The following AGTPBP1 variants were observed in gnomAD, a reference collection of about 807,000 sequenced individuals.
The protein encoded by AGTPBP1 is cytosolic carboxypeptidase 1.
AGTPBP1 carries 70 observed loss-of-function variants against 143.9 expected under a neutral mutation model. That is an observed-to-expected ratio of 0.49 (90% CI 0.40 to 0.59). AGTPBP1 has a LOEUF of 0.59. AGTPBP1 is among the 20% of genes least tolerant of loss of function. The probability of loss-of-function intolerance (pLI) is 0.00; values close to 1 mark genes in which losing one functional copy is unlikely to be tolerated. For missense variants in AGTPBP1, 1,229 were observed against 1,464.5 expected (o/e 0.84, Z 2.62); for synonymous variants, 463 against 500.2 (o/e 0.93, Z 0.99).
intron 25 of AGTPBP1, among the ~76,000 whole-genome samples, chr9:85,549,276 C>T (rs1448750866): frequency 1.3e-5 from 2 of 152,150 alleles, no homozygotes; most frequent in Non-Finnish European, 2.9e-5. Flanking sequence ...GGGGAAACCA[C>T]CCAGAACTAC....
At chr9:85,657,963 T>C (rs1405425402) in intron 9 of AGTPBP1, among the ~76,000 whole-genome samples, 5 of 152,180 alleles carry the variant, frequency 3.3e-5, no homozygotes, top group African/African-American at 1.2e-4. Context: ...TTACAATTTA[T>C]GAATATACTG....
chr9:85,710,230 A>C (rs1837281137), intron 2 of AGTPBP1, among the ~76,000 whole-genome samples: 2 of 152,076 alleles, frequency 1.3e-5, no homozygotes, highest in African/African-American at 4.8e-5. Context: ...TGTTATACTC[A>C]TGTTTCTTTT....
intron 19 of AGTPBP1, among the ~76,000 whole-genome samples, chr9:85,591,613 C>A (rs1265099230): frequency 6.6e-6 from 1 of 151,870 alleles, no homozygotes; most frequent in African/African-American, 2.4e-5. Context: ...GATAAATTAC[C>A]CAAAAGTAAA....
chr9:85,799,023 G>A, the AGTPBP1 span, among the ~76,000 whole-genome samples: 13 of 151,980 alleles, frequency 8.6e-5, no homozygotes, highest in East Asian at 1.6e-3. Context: ...GATGTTCCCC[G>A]CCCTGTGTCC....
At chr9:85,588,247 A>T in intron 21 of AGTPBP1, 51 bp downstream of exon 21, 2 of 1,432,570 alleles carry the variant, frequency 1.4e-6, no homozygotes, top group Non-Finnish European at 1.9e-6. Context: ...AAGTTTATAC[A>T]GGACAACCAC....
At position 85,655,255 on chromosome 9, in the gene AGTPBP1, A is replaced by G. The variant is rs762436348; in HGVS notation, c.975T>C (p.Cys325=). 5.0e-6 allele frequency: 8 copies of G among 1,587,042 alleles called. No homozygotes were observed. In the Admixed American group the frequency reaches 1.1e-4, roughly 21 times the overall value. The change falls in exon 11 of 26, where the codon TGT becomes TGC. Residue 325 remains cysteine (C), a synonymous_variant. Coordinates refer to ENST00000357081, the MANE Select transcript of AGTPBP1 (RefSeq NM_001330701.2). Reference sequence around the variant, plus strand: ...GGAGTGGCAGTCGATTTTTTGGGAAACACTTCCTCATTATCAGACTGGAGG... The same window carrying G: ...GGAGTGGCAGTCGATTTTTTGGGAAGCACTTCCTCATTATCAGACTGGAGG... ...VNTSSLIMRK[C]FPKNRLPLPT... is the part of the protein sequence containing the mutation.
intron 18 of AGTPBP1, 78 bp from the exon 19 acceptor site, chr9:85,592,782 A>G: frequency 6.5e-7 from 1 of 1,532,890 alleles, no homozygotes; most frequent in Non-Finnish European, 8.8e-7. Context: ...ATTAAATAGA[A>G]CTTCAGGGAA....
the AGTPBP1 span, among the ~76,000 whole-genome samples, chr9:85,782,185 G>C: frequency 6.6e-6 from 1 of 152,160 alleles, no homozygotes; most frequent in African/African-American, 2.4e-5. Flanking sequence ...AAATAATATG[G>C]AGGAGCAATG....
intron 25 of AGTPBP1, among the ~76,000 whole-genome samples, chr9:85,560,819 G>A (rs1826663087): frequency 6.6e-6 from 1 of 152,104 alleles, no homozygotes; most frequent in South Asian, 2.1e-4. Flanking sequence ...TTATTCATAA[G>A]AGAATAAAAG....
intron 1 of AGTPBP1, among the ~76,000 whole-genome samples, chr9:85,717,882 T>C (rs931061917): frequency 1.3e-5 from 2 of 149,568 alleles, no homozygotes; most frequent in East Asian, 4.1e-4. Context: ...CCTGTGTCCA[T>C]GTGTTCTCAT....
chr9:85,588,249 G>T lies in AGTPBP1; in HGVS notation c.2903+49C>A, dbSNP rs766418458. The T allele has an allele frequency of 6.2e-6, 9 of 1,462,062 alleles. No individual in the cohort carries two copies. The South Asian group carries it at 1.1e-4, about 18-fold the overall frequency. 90.6% of individuals were successfully genotyped at this position (1,462,062 alleles called of 1,614,324 possible). ...TTGTTATTTCAACAAGTTTATACAGGACAACCACAATGGTCTTGAATATAT... is the reference window on the plus strand; with the variant it reads ...TTGTTATTTCAACAAGTTTATACAGTACAACCACAATGGTCTTGAATATAT... On this transcript the variant is annotated intron_variant, in intron 21 of 25. Transcript: ENST00000357081.
chr9:85,804,041 C>T, the AGTPBP1 span, among the ~76,000 whole-genome samples: 1 of 152,102 alleles, frequency 6.6e-6, no homozygotes, highest in African/African-American at 2.4e-5. Flanking sequence ...CTCATCATTA[C>T]CTTTTACCTG....
chr9:85,786,981 G>A, the AGTPBP1 span, among the ~76,000 whole-genome samples: 16 of 152,150 alleles, frequency 1.1e-4, no homozygotes, highest in East Asian at 1.2e-3. Flanking sequence ...TCAAATACAA[G>A]TATATTGTTA....
chr9:85,643,884 GATA>G (rs1832650139), intron 12 of AGTPBP1, among the ~76,000 whole-genome samples: 1 of 152,080 alleles, frequency 6.6e-6, no homozygotes, highest in South Asian at 2.1e-4. Flanking sequence ...GCTGAAGAGA[GATA>G]ATAATACCAT....
At chr9:85,742,134 T>A, upstream of AGTPBP1, 1 of 789,190 alleles carries the variant, frequency 1.3e-6, no homozygotes, top group Non-Finnish European at 1.6e-6. Context: ...GCCCCGCCTC[T>A]CTGCGCGCCT....
intron 3 of AGTPBP1, among the ~76,000 whole-genome samples, chr9:85,689,925 A>AAAAAAAAAATATATATATATATATAT (rs58719163): frequency 1.4e-5 from 1 of 72,496 alleles, no homozygotes; most frequent in African/African-American, 6.9e-5. Flanking sequence ...AAAAAAAAAA[A>AAAAAAAAAATATATATATATATATAT]ATATATATAT....
upstream of AGTPBP1, chr9:85,742,165 T>G: frequency 1.1e-5 from 5 of 443,698 alleles, no homozygotes; most frequent in African/African-American, 2.1e-5. Flanking sequence ...AGCGCGCGCG[T>G]GGGGGCGGAG....
rs111992540 is a variant in AGTPBP1, at chr9:85,588,087, A to G, written c.2903+211T>C. 3.0e-4 allele frequency among the ~76,000 whole-genome samples: 45 copies of G among 152,312 alleles called. 1 individual carries two copies. Among genetic ancestry groups the G allele is most frequent in the African/African-American group, 1.1e-3 (44 of 41,574 alleles). On this transcript the variant is annotated intron_variant, in intron 21 of 25. Coordinates refer to ENST00000357081, the MANE Select transcript of AGTPBP1 (RefSeq NM_001330701.2). ...TACAGAATAGGGCACTAGGCCCTATAAAATAAACAAATATAAAATCAATAA... is the reference window on the plus strand; with the variant it reads ...TACAGAATAGGGCACTAGGCCCTATGAAATAAACAAATATAAAATCAATAA...
intron 2 of AGTPBP1, among the ~76,000 whole-genome samples, chr9:85,704,448 G>GA (rs1161408205): frequency 6.6e-6 from 1 of 152,138 alleles, no homozygotes; most frequent in East Asian, 1.9e-4. Flanking sequence ...AATTGTGTCT[G>GA]ATCCCACCAA....
Sources: allele counts gnomAD v4.1 joint callset (sites outside exome capture counted in the v4.1 genomes callset), GRCh38; gene constraint gnomAD v4.1.1; transcripts MANE v1.5; gene names NCBI Gene and HGNC (gene_info 2026-07-23, HGNC 2026-07-21).